Variants in AIRIM observed in about 807,000 individuals in gnomAD.
AIRIM encodes AFG2 interacting ribosome maturation factor.
the AIRIM span, chr1:37,683,661 G>T: frequency 6.5e-6 from 3 of 464,038 alleles, no homozygotes; most frequent in South Asian, 2.9e-5. Context: ...CCTGAAATCT[G>T]GGATCTCAGC....
the AIRIM span, chr1:37,686,137 G>T: frequency 1.3e-6 from 1 of 774,104 alleles, no homozygotes. Context: ...ATTATACAAA[G>T]GAATGCAGGA....
At chr1:37,687,059 AGTGTGTGTGTGTGTGTGTGTGTGTGT>A in the AIRIM span, among the ~76,000 whole-genome samples, 5 of 141,400 alleles carry the variant, frequency 3.5e-5, no homozygotes, top group East Asian at 2.1e-4. Context: ...CCGTCTCAAA[AGTGTGTGTGTGTGTGTGTGTGTGTGT>A]GTGTGTGTGT....
At chr1:37,687,180 T>G in the AIRIM span, among the ~76,000 whole-genome samples, 5 of 151,330 alleles carry the variant, frequency 3.3e-5, no homozygotes, top group Admixed American at 2.6e-4. Flanking sequence ...CAGGCTGGAG[T>G]GCAATGGTGC....
chr1:37,685,192 T>TGGGGG, the AIRIM span, among the ~76,000 whole-genome samples: 62 of 44,576 alleles, frequency 1.4e-3, no homozygotes, highest in East Asian at 2.5e-3. Flanking sequence ...TGCTTTTTTT[T>TGGGGG]GGGGGGGGGG....
chr1:37,687,137 T>G, the AIRIM span, among the ~76,000 whole-genome samples: 1 of 151,782 alleles, frequency 6.6e-6, no homozygotes, highest in African/African-American at 2.4e-5. Flanking sequence ...GTTTTTTGTT[T>G]TTTTATTGAG....
At chr1:37,682,054 T>G in the AIRIM span, 17 of 152,234 alleles carry the variant, frequency 1.1e-4, no homozygotes, top group African/African-American at 4.1e-4. Flanking sequence ...CCTATCTATA[T>G]TAAAAGAAAA....
the AIRIM span, chr1:37,690,253 G>A: frequency 3.9e-6 from 5 of 1,289,968 alleles, no homozygotes; most frequent in African/African-American, 7.6e-5. Context: ...CCAAAGTGCT[G>A]GGATTACAGG....
chr1:37,685,201 G>A, the AIRIM span, among the ~76,000 whole-genome samples: 51 of 125,530 alleles, frequency 4.1e-4, 1 homozygote, highest in Middle Eastern at 3.9e-3. Flanking sequence ...TTGGGGGGGG[G>A]GGGTGGGCGG....
At chr1:37,683,570 T>C in the AIRIM span, 2 of 960,596 alleles carry the variant, frequency 2.1e-6, no homozygotes, top group Non-Finnish European at 3.1e-6. Flanking sequence ...GTGGGCCTGA[T>C]TCACCTATGC....
At chr1:37,689,577 C>G in the AIRIM span, 1 of 1,541,948 alleles carries the variant, frequency 6.5e-7, no homozygotes, top group Non-Finnish European at 8.8e-7. Flanking sequence ...AATCCTTCCA[C>G]CAAGAAACAG....
chr1:37,686,809 C>A, the AIRIM span, among the ~76,000 whole-genome samples: 6 of 152,272 alleles, frequency 3.9e-5, no homozygotes, highest in Admixed American at 2.6e-4. Flanking sequence ...GAGGCTGTTG[C>A]CTGTAATCCC....
At chr1:37,689,790 C>A in the AIRIM span, 3 of 1,613,022 alleles carry the variant, frequency 1.9e-6, no homozygotes, top group Non-Finnish European at 2.5e-6. Context: ...TCCCGCAGGG[C>A]ACTCTGCCAC....
chr1:37,690,142 G>C, the AIRIM span: 3 of 1,182,012 alleles, frequency 2.5e-6, no homozygotes, highest in Non-Finnish European at 3.4e-6. Context: ...TCAGCCTCCC[G>C]AGTAGCTGGG....
the AIRIM span, among the ~76,000 whole-genome samples, chr1:37,689,214 G>C: frequency 2.6e-5 from 4 of 152,190 alleles, no homozygotes; most frequent in Non-Finnish European, 5.9e-5. Context: ...ATTAAGTGCA[G>C]TTAAGTCACA....
At chr1:37,685,204 G>GGGGGGGCGGGGGGGGGTT in the AIRIM span, among the ~76,000 whole-genome samples, 1 of 116,664 alleles carries the variant, frequency 8.6e-6, no homozygotes, top group African/African-American at 3.2e-5. Flanking sequence ...GGGGGGGGGG[G>GGGGGGGCGGGGGGGGGTT]TGGGCGGGGG....
the AIRIM span, among the ~76,000 whole-genome samples, chr1:37,689,319 G>C: frequency 2.6e-5 from 4 of 152,288 alleles, no homozygotes; most frequent in African/African-American, 9.6e-5. Context: ...TTTTACCAAA[G>C]AAAACTATAG....
chr1:37,689,946 C>A, the AIRIM span: 1 of 1,485,892 alleles, frequency 6.7e-7, no homozygotes, highest in South Asian at 1.3e-5. Flanking sequence ...CGGGGAGGCA[C>A]TGGGTCGAGG....
chr1:37,685,209 C>CG, the AIRIM span, among the ~76,000 whole-genome samples: 3 of 22,852 alleles, frequency 1.3e-4, no homozygotes, highest in Non-Finnish European at 1.9e-4. Context: ...GGGGGGTGGG[C>CG]GGGGGGTGGT....
At chr1:37,690,250 G>C in the AIRIM span, 2 of 1,288,460 alleles carry the variant, frequency 1.6e-6, no homozygotes, top group Non-Finnish European at 1.0e-6. Context: ...CTTCCAAAGT[G>C]CTGGGATTAC....
Sources: gnomAD v4.1 joint callset for allele counts (sites outside exome capture counted in the v4.1 genomes callset) on GRCh38, gnomAD v4.1.1 for gene constraint, MANE v1.5 for transcripts, NCBI Gene and HGNC (gene_info 2026-07-23, HGNC 2026-07-21) for gene names.